The following ZNF208 variants were observed in gnomAD, a reference collection of about 807,000 sequenced individuals.
ZNF208 encodes zinc finger protein 208.
In ZNF208, 10 loss-of-function variants were observed where a neutral mutation model predicts 12.1. The observed-to-expected ratio is 0.83, with a 90% CI of 0.51 to 1.40. The LOEUF (loss-of-function observed/expected upper bound fraction) is 1.40, where lower values mean the gene tolerates loss of function less well. Ranked by LOEUF, ZNF208 falls within the 40% of genes most tolerant of loss-of-function variation. The pLI is 0.00. For synonymous variants in ZNF208, 497 were observed against 488.4 expected (o/e 1.02, Z -0.23); for missense variants, 1,652 against 1,485.0 (o/e 1.11, Z -1.85).
chr19:21,982,132 T>G (rs1179062587), intron 3 of ZNF208, among the ~76,000 whole-genome samples: 1 of 151,520 alleles, frequency 6.6e-6, no homozygotes, highest in Non-Finnish European at 1.5e-5. Context: ...CCGAGACGGG[T>G]GGATCATGAG....
chr19:21,975,892 C>T (rs1970422286), intron 3 of ZNF208, among the ~76,000 whole-genome samples: 1 of 106,296 alleles, frequency 9.4e-6, no homozygotes, highest in African/African-American at 3.8e-5. Flanking sequence ...CTCTGTCCTG[C>T]CTAATGGGGG....
intron 4 of ZNF208, among the ~76,000 whole-genome samples, chr19:21,958,538 T>C (rs1970014003): frequency 6.6e-6 from 1 of 152,154 alleles, no homozygotes; most frequent in African/African-American, 2.4e-5. Flanking sequence ...TAGCTACCAG[T>C]TATCAGGGTG....
At chr19:22,010,700 T>C (rs1971132096) in intron 1 of ZNF208, 92 bp downstream of exon 1, 1 of 1,595,278 alleles carries the variant, frequency 6.3e-7, no homozygotes, top group African/African-American at 1.3e-5. Flanking sequence ...TGGAGCTGAC[T>C]GCGGGGAGGC....
At chr19:21,978,913 G>A (rs1258464335) in intron 3 of ZNF208, among the ~76,000 whole-genome samples, 4 of 152,120 alleles carry the variant, frequency 2.6e-5, no homozygotes, top group East Asian at 1.9e-4. Context: ...AACACACCAC[G>A]AGAACTTCAT....
At chr19:21,961,095 T>C (rs1187467052), downstream of ZNF208, among the ~76,000 whole-genome samples, 1 of 152,214 alleles carries the variant, frequency 6.6e-6, no homozygotes, top group African/African-American at 2.4e-5. Context: ...CAGAAGTCAA[T>C]TGTTATTGGG....
Position 21,969,284 on chromosome 19 carries a change from A to G in ZNF208, c.*1907T>C, listed in dbSNP as rs998828888. ...AGTAAGCCAATGTGTCTGGAAAAAA[A>G]AAAAATCTGTGTTTTGAAGAAAAAA... On this transcript the variant is annotated 3_prime_UTR_variant, in exon 4 of 4. Transcript: ENST00000397126. 1.3e-5 allele frequency among the ~76,000 whole-genome samples: 2 copies of G among 152,152 alleles called. No individual in the cohort carries two copies. Among genetic ancestry groups the G allele is most frequent in the Non-Finnish European group, 2.9e-5 (2 of 68,012 alleles).
chr19:21,978,020 AAGATGCCTCCTCTTT>A (rs1183186952), intron 3 of ZNF208, among the ~76,000 whole-genome samples: 1 of 152,148 alleles, frequency 6.6e-6, no homozygotes, highest in Non-Finnish European at 1.5e-5. Flanking sequence ...ACTGTATCTC[AAGATGCCTCCTCTTT>A]GGGCAGGGCA....
At chr19:21,979,179 C>T (rs1197770357) in intron 3 of ZNF208, among the ~76,000 whole-genome samples, 1 of 151,992 alleles carries the variant, frequency 6.6e-6, no homozygotes, top group Non-Finnish European at 1.5e-5. Context: ...GGAGAATGTC[C>T]CCAACATAGC....
intron 3 of ZNF208, among the ~76,000 whole-genome samples, chr19:21,976,665 A>G (rs1170404591): frequency 6.6e-6 from 1 of 152,188 alleles, no homozygotes; most frequent in Non-Finnish European, 1.5e-5. Context: ...GGTTCAAGTG[A>G]TTCTCCTGCC....
In ZNF208 at chr19:21,971,125, A is replaced by T; in HGVS notation, c.*66T>A. On this transcript the variant is annotated 3_prime_UTR_variant, in exon 4 of 4. Transcript: ENST00000397126. ...CACATTTGTAGGGTTTCTCTCCAGT[A>T]TGAATTTTCTTATGATAACTAAGGG... 1 of 1,613,054 alleles carries T rather than the reference A, an allele frequency of 6.2e-7. No individual in the cohort carries two copies. Among genetic ancestry groups the T allele is most frequent in the Admixed American group, 1.7e-5 (1 of 59,828 alleles).
At chr19:21,982,193 T>G (rs1022377549) in intron 3 of ZNF208, among the ~76,000 whole-genome samples, 1 of 151,620 alleles carries the variant, frequency 6.6e-6, no homozygotes, top group Non-Finnish European at 1.5e-5. Context: ...CCATCTCTAC[T>G]AAAAACACAA....
At position 21,956,814 on chromosome 19, in the gene ZNF208, G is replaced by A. The variant is rs1452192249; in HGVS notation, c.305+17915C>T. On this transcript the variant is annotated intron_variant, in intron 4 of 4. Transcript: ENST00000599916. ...CTGTGGTGATGTCCCACCCTGCTTC[G>A]GCTCACACTCCATAGGCTGCACCCA... Among the ~76,000 whole-genome samples, 20 of 152,132 alleles carry A rather than the reference G, an allele frequency of 1.3e-4. No homozygotes were observed. In the East Asian group the frequency reaches 3.1e-3, roughly 24 times the overall value.
chr19:21,976,534 C>A (rs527700146), intron 3 of ZNF208, among the ~76,000 whole-genome samples: 1 of 152,252 alleles, frequency 6.6e-6, no homozygotes, highest in African/African-American at 2.4e-5. Flanking sequence ...AGTTAACTTT[C>A]AAATCAACAG....
chr19:21,972,112 T>A lies in ZNF208; in HGVS notation c.2922A>T (p.Lys974Asn). The A allele has an allele frequency of 2.5e-6, 4 of 1,613,330 alleles. No individual in the cohort carries two copies. The highest frequency in any genetic ancestry group is 3.4e-6 in the Non-Finnish European group (4 of 1,179,760). Residue 974 changes from lysine (K) to asparagine (N), a missense_variant, in exon 4 of 4, where the codon AAA becomes AAT. Lys to Asn is a moderately conservative substitution (Grantham distance 94). Around this residue, in one of 3 missense-constraint regions of ZNF208, gnomAD observed 1,239 missense variants for 1,086.2 expected, o/e 1.14. Transcript: ENST00000397126. ...KKIHTEEKPY[K>N]YEECGKGFST... ...TAAAGCCTTTGCCACATTCTTCATATTTGTAAGGTTTCTCTTCAGTATGAA... is the reference window on the plus strand; with the variant it reads ...TAAAGCCTTTGCCACATTCTTCATAATTGTAAGGTTTCTCTTCAGTATGAA...
chr19:22,006,887 C>A (rs1270454966), intron 1 of ZNF208, among the ~76,000 whole-genome samples: 1 of 152,016 alleles, frequency 6.6e-6, no homozygotes, highest in Non-Finnish European at 1.5e-5. Context: ...GACAATAAAG[C>A]ATTATTTTAT....
At chr19:21,985,843 A>G (rs1303060174) in intron 3 of ZNF208, among the ~76,000 whole-genome samples, 1 of 152,200 alleles carries the variant, frequency 6.6e-6, no homozygotes, top group Non-Finnish European at 1.5e-5. Flanking sequence ...TACTCAGTGA[A>G]ACCATACTAA....
chr19:21,988,986 G>T (rs369505539), intron 1 of ZNF208, 77 bp from the exon 2 acceptor site: 342 of 1,573,896 alleles, frequency 2.2e-4, no homozygotes, highest in Middle Eastern at 1.0e-3. Context: ...AAAATGCAGA[G>T]AGTAAAGAGA....
At chr19:21,977,779 G>A (rs925220885) in intron 3 of ZNF208, among the ~76,000 whole-genome samples, 7 of 152,172 alleles carry the variant, frequency 4.6e-5, no homozygotes, top group Admixed American at 1.3e-4. Context: ...GAGCAAAGTG[G>A]TCTGGCTTGG....
chr19:21,963,156 G>A (rs947008019), downstream of ZNF208, among the ~76,000 whole-genome samples: 1 of 152,022 alleles, frequency 6.6e-6, no homozygotes, highest in African/African-American at 2.4e-5. Flanking sequence ...AAGAGCACTT[G>A]TTTTGGTGAT....
Sources: gnomAD v4.1 joint callset for allele counts (sites outside exome capture counted in the v4.1 genomes callset) on GRCh38, gnomAD v4.1.1 for gene constraint, gnomAD v4.1.1 regional missense constraint, MANE v1.5 for transcripts, NCBI Gene and HGNC (gene_info 2026-07-23, HGNC 2026-07-21) for gene names.